Variants in AUTS2 observed in about 807,000 individuals in gnomAD.
The protein encoded by AUTS2 is activator of transcription and developmental regulator AUTS2.
AUTS2 carries 17 observed loss-of-function variants against 112.4 expected under a neutral mutation model. That is an observed-to-expected ratio of 0.15 (90% CI 0.10 to 0.23). The LOEUF is 0.23. AUTS2 is among the 10% of genes least tolerant of loss of function. The pLI, the probability that AUTS2 is intolerant of heterozygous loss-of-function variation, is 1.00. For synonymous variants in AUTS2, 751 were observed against 702.7 expected (o/e 1.07, Z -1.09); for missense variants, 1,510 against 1,701.6 (o/e 0.89, Z 1.98).
chr7:70,310,230 T>A (rs1423154678), intron 4 of AUTS2, among the ~76,000 whole-genome samples: 1 of 152,014 alleles, frequency 6.6e-6, no homozygotes, highest in Non-Finnish European at 1.5e-5. Flanking sequence ...TGGAGGCTTC[T>A]TTTAGGGGTC....
chr7:69,636,491 C>CCA (rs1175924266), intron 1 of AUTS2, among the ~76,000 whole-genome samples: 2 of 97,470 alleles, frequency 2.1e-5, no homozygotes, highest in African/African-American at 4.0e-5. Context: ...CCCCCCCCCC[C>CCA]CCTTGGCCTC....
Position 70,385,713 on chromosome 7 carries a change from G to T in AUTS2, c.661-50039G>T, listed in dbSNP as rs563365161. On this transcript the variant is annotated intron_variant, in intron 4 of 18. Coordinates refer to ENST00000342771, the MANE Select transcript of AUTS2 (RefSeq NM_015570.4). ...CTGGCACCACTGCACTCCAGCCTGGGCAACACTGTCTCTAAAAATAGAAAA... is the reference window on the plus strand; with the variant it reads ...CTGGCACCACTGCACTCCAGCCTGGTCAACACTGTCTCTAAAAATAGAAAA... Among the ~76,000 whole-genome samples, 167 of 152,260 alleles carry T rather than the reference G, an allele frequency of 1.1e-3. 2 individuals are homozygous for T. In the Middle Eastern group the frequency reaches 0.027, roughly 25 times the overall value.
intron 6 of AUTS2, among the ~76,000 whole-genome samples, chr7:70,741,419 C>A (rs561795275): frequency 6.6e-6 from 1 of 151,632 alleles, no homozygotes; most frequent in Non-Finnish European, 1.5e-5. Flanking sequence ...AGGCCGGGCG[C>A]GGTGGCTTAC....
intron 1 of AUTS2, among the ~76,000 whole-genome samples, chr7:69,809,754 C>G (rs1256056266): frequency 6.6e-6 from 1 of 152,146 alleles, no homozygotes; most frequent in Non-Finnish European, 1.5e-5. Context: ...TGACATGCCC[C>G]AATAGGTACA....
intron 5 of AUTS2, among the ~76,000 whole-genome samples, chr7:70,507,756 C>T (rs949813297): frequency 6.6e-6 from 1 of 152,074 alleles, no homozygotes; most frequent in East Asian, 1.9e-4. Flanking sequence ...AAGATCGCAC[C>T]ATTGTACTCC....
At chr7:70,188,648 T>G (rs1809725404) in intron 4 of AUTS2, among the ~76,000 whole-genome samples, 1 of 152,242 alleles carries the variant, frequency 6.6e-6, no homozygotes, top group Admixed American at 6.5e-5. Context: ...CCTTTCTAGC[T>G]TTCTTGAGAA....
chr7:69,976,085 T>C (rs1798049147), intron 2 of AUTS2, among the ~76,000 whole-genome samples: 1 of 152,258 alleles, frequency 6.6e-6, no homozygotes, highest in Non-Finnish European at 1.5e-5. Context: ...ATATTCACAT[T>C]GCTGTGAAAC....
At chr7:70,720,721 T>A (rs1483573625) in intron 6 of AUTS2, among the ~76,000 whole-genome samples, 1 of 152,172 alleles carries the variant, frequency 6.6e-6, no homozygotes, top group Non-Finnish European at 1.5e-5. Context: ...CTTTAGTAGC[T>A]GAGGAATTCC....
At chr7:69,893,862 C>T (rs1794626987) in intron 1 of AUTS2, among the ~76,000 whole-genome samples, 1 of 152,168 alleles carries the variant, frequency 6.6e-6, no homozygotes, top group African/African-American at 2.4e-5. Context: ...TTGCACAACA[C>T]TGAACCATCT....
intron 4 of AUTS2, among the ~76,000 whole-genome samples, chr7:70,373,872 G>A (rs565796138): frequency 6.6e-6 from 1 of 151,526 alleles, no homozygotes; most frequent in African/African-American, 2.4e-5. Flanking sequence ...TTAGTGAATC[G>A]TATATACTGT....
chr7:70,387,873 C>G (rs144944666), intron 4 of AUTS2, among the ~76,000 whole-genome samples: 4 of 152,304 alleles, frequency 2.6e-5, no homozygotes, highest in African/African-American at 9.6e-5. Context: ...ACGTTACGGC[C>G]AGATAGCAGT....
intron 4 of AUTS2, among the ~76,000 whole-genome samples, chr7:70,358,507 C>T (rs1792111130): frequency 6.6e-6 from 1 of 152,244 alleles, no homozygotes. Context: ...TGTTGACCAC[C>T]CTCAAGCCTA....
At chr7:70,646,930 C>A (rs779259322) in intron 5 of AUTS2, among the ~76,000 whole-genome samples, 1 of 152,218 alleles carries the variant, frequency 6.6e-6, no homozygotes, top group African/African-American at 2.4e-5. Context: ...CTGCTCTGGC[C>A]TTGCTGCTCA....
intron 1 of AUTS2, among the ~76,000 whole-genome samples, chr7:69,766,287 T>G (rs1274207634): frequency 6.6e-6 from 1 of 152,258 alleles, no homozygotes; most frequent in Non-Finnish European, 1.5e-5. Flanking sequence ...CAGTATGTTC[T>G]TCCTTTTTAA....
At chr7:70,044,097 A>G (rs1315841630) in intron 2 of AUTS2, among the ~76,000 whole-genome samples, 1 of 151,952 alleles carries the variant, frequency 6.6e-6, no homozygotes, top group African/African-American at 2.4e-5. Flanking sequence ...CTTTCCTCTC[A>G]TGCCCATCCA....
chr7:70,469,883 G>T (rs186262817), intron 5 of AUTS2, among the ~76,000 whole-genome samples: 1 of 152,106 alleles, frequency 6.6e-6, no homozygotes, highest in Non-Finnish European at 1.5e-5. Flanking sequence ...CAGGTGATCC[G>T]CCTGCCTTGG....
In AUTS2 at chr7:69,720,558, A is replaced by G. The variant is rs193190535; in HGVS notation, c.309+120596A>G. Among the ~76,000 whole-genome samples the G allele has an allele frequency of 5.4e-4, 83 of 152,346 alleles. No homozygotes were observed. In the East Asian group the frequency reaches 6.6e-3, roughly 12 times the overall value. On this transcript the variant is annotated intron_variant, in intron 1 of 18. Transcript: ENST00000342771. ...AAAAAATCCTTTTATAACCACAGTC[A>G]TGCCCAATTTATCTTTTAAGTAAAT...
At chr7:70,265,994 A>G (rs1787403827) in intron 4 of AUTS2, among the ~76,000 whole-genome samples, 1 of 152,196 alleles carries the variant, frequency 6.6e-6, no homozygotes, top group African/African-American at 2.4e-5. Flanking sequence ...TGGGTTGTGC[A>G]GTGTACAACC....
rs1283045912 is a variant in AUTS2 at position 69,674,462 on chromosome 7, G to A, written c.309+74500G>A. ...TACCTGTGAGATGGAGATGATTGGA[G>A]TCTCCACCATGTCAATGTATCAACA... On this transcript the variant is annotated intron_variant, in intron 1 of 18. Coordinates refer to ENST00000342771, the MANE Select transcript of AUTS2 (RefSeq NM_015570.4). 3.3e-5 allele frequency among the ~76,000 whole-genome samples: 5 copies of A among 152,108 alleles called. No individual in the cohort carries two copies. In the East Asian group the frequency reaches 9.6e-4, roughly 29 times the overall value.
Sources: gnomAD v4.1 joint callset for allele counts (sites outside exome capture counted in the v4.1 genomes callset) on GRCh38, gnomAD v4.1.1 for gene constraint, MANE v1.5 for transcripts, NCBI Gene and HGNC (gene_info 2026-07-23, HGNC 2026-07-21) for gene names.